The following FAM193A variants were observed in gnomAD, a reference collection of about 807,000 sequenced individuals.
FAM193A encodes the protein protein FAM193A.
A neutral mutation model predicts 126.5 loss-of-function variants in FAM193A; 22 were observed. The observed-to-expected ratio is 0.17, with a 90% CI of 0.12 to 0.25. The LOEUF is 0.25. FAM193A is among the 10% of genes least tolerant of loss of function. FAM193A has a pLI of 1.00. For synonymous variants in FAM193A, 761 were observed against 646.8 expected (o/e 1.18, Z -2.68); for missense variants, 1,675 against 1,672.8 (o/e 1.00, Z -0.02).
rs531508039 is a variant in FAM193A, at chr4:2,665,068, G to A, written c.2079+1780G>A. ...TTGTGGGATGATATAGATCAATTTA[G>A]GGAGAATGCAATCCTAACAAAATTG... On this transcript the variant is annotated intron_variant, in intron 12 of 20. Coordinates refer to ENST00000637812, the MANE Select transcript of FAM193A (RefSeq NM_001366318.2). Among the ~76,000 whole-genome samples, 4 of 152,258 alleles carry A rather than the reference G, an allele frequency of 2.6e-5. No individual in the cohort carries two copies. The East Asian group carries it at 7.7e-4, about 29-fold the overall frequency.
At chr4:2,695,215 CG>C (rs1309649517) in intron 17 of FAM193A, 86 bp downstream of exon 17, 1 of 1,168,048 alleles carries the variant, frequency 8.6e-7, no homozygotes, top group Non-Finnish European at 1.2e-6. Context: ...AGGTTGAATT[CG>C]GGGTATATTC....
chr4:2,671,787 C>G (rs1178928517), intron 12 of FAM193A, among the ~76,000 whole-genome samples: 1 of 152,226 alleles, frequency 6.6e-6, no homozygotes, highest in East Asian at 1.9e-4. Flanking sequence ...ACAGCCATCC[C>G]CTCTCTACTC....
chr4:2,683,177 A>G (rs967400146), intron 13 of FAM193A, among the ~76,000 whole-genome samples: 1 of 151,900 alleles, frequency 6.6e-6, no homozygotes, highest in Non-Finnish European at 1.5e-5. Context: ...CCTTGCTGGC[A>G]TGGTTTCTGA....
rs373746291 is a variant in FAM193A, at chr4:2,555,719, G to A, written c.255+18549G>A. On this transcript the variant is annotated intron_variant, in intron 1 of 20. Transcript: ENST00000637812. Reference sequence around the variant, plus strand: ...CGCAAGCTCTGCCTCCCGGGCTCACGCCGTTCTCCTGCCTCAGCCTCCGGA... The same window carrying A: ...CGCAAGCTCTGCCTCCCGGGCTCACACCGTTCTCCTGCCTCAGCCTCCGGA... Among the ~76,000 whole-genome samples, 6 of 152,074 alleles carry A rather than the reference G, an allele frequency of 3.9e-5. 1 individual carries two copies. The highest frequency in any genetic ancestry group is 1.9e-4 in the East Asian group (1 of 5,160).
intron 13 of FAM193A, among the ~76,000 whole-genome samples, chr4:2,679,346 A>G (rs1406296680): frequency 6.7e-6 from 1 of 149,270 alleles, no homozygotes; most frequent in African/African-American, 2.5e-5. Flanking sequence ...ATGAATGTTC[A>G]CAAGCGATAC....
At chr4:2,705,291 T>C (rs1450264432) in intron 19 of FAM193A, among the ~76,000 whole-genome samples, 1 of 152,226 alleles carries the variant, frequency 6.6e-6, no homozygotes, top group Non-Finnish European at 1.5e-5. Context: ...TCATAAGTTG[T>C]CTTTTGACTT....
chr4:2,650,650 A>G (rs1745568710), intron 7 of FAM193A, among the ~76,000 whole-genome samples: 1 of 152,148 alleles, frequency 6.6e-6, no homozygotes, highest in Admixed American at 6.5e-5. Flanking sequence ...CCTTAATCCA[A>G]GAGTGTCTCT....
chr4:2,668,327 C>T lies in FAM193A; in HGVS notation c.2080-3794C>T, dbSNP rs895089205. ...TTCCCAGGTTCAAGTGATTCTCCTG[C>T]CTCAGCCTCCCAAGTAGCTGGGATT... On this transcript the variant is annotated intron_variant, in intron 12 of 20. Coordinates refer to ENST00000637812, the MANE Select transcript of FAM193A (RefSeq NM_001366318.2). Among the ~76,000 whole-genome samples, 3 of 151,900 alleles carry T rather than the reference C, an allele frequency of 2.0e-5. No homozygotes were observed. In the South Asian group the frequency reaches 6.2e-4, roughly 32 times the overall value.
intron 2 of FAM193A, among the ~76,000 whole-genome samples, chr4:2,609,133 C>G (rs950321910): frequency 3.3e-5 from 5 of 152,034 alleles, no homozygotes; most frequent in Admixed American, 1.3e-4. Flanking sequence ...ACCTTGTGAT[C>G]CACCCGCCTC....
chr4:2,625,766 C>G (rs1310192813), intron 3 of FAM193A, among the ~76,000 whole-genome samples: 2 of 149,146 alleles, frequency 1.3e-5, no homozygotes, highest in African/African-American at 5.0e-5. Context: ...TGGCTCTGTC[C>G]CCCAGGCCGG....
chr4:2,731,324 C>T (rs575334923), intron 20 of FAM193A, among the ~76,000 whole-genome samples: 2 of 151,714 alleles, frequency 1.3e-5, no homozygotes, highest in South Asian at 4.2e-4. Context: ...GCCGAAACTG[C>T]CACTGAACTC....
Position 2,650,359 on chromosome 4 carries a change from G to A in FAM193A, c.1311+3527G>A, listed in dbSNP as rs186049065. ...AGAGCACAGAAGGAGGGAGGAGCAT[G>A]AGATCTCAGGCCATCAGTAGACACT... On this transcript the variant is annotated intron_variant, in intron 7 of 20. Coordinates refer to ENST00000637812, the MANE Select transcript of FAM193A (RefSeq NM_001366318.2). Among the ~76,000 whole-genome samples the A allele has an allele frequency of 1.4e-3, 214 of 152,336 alleles. 2 individuals carry two copies. Among genetic ancestry groups the A allele is most frequent in the Middle Eastern group, 6.8e-3 (2 of 294 alleles).
upstream of FAM193A, among the ~76,000 whole-genome samples, chr4:2,536,292 G>C (rs1456352635): frequency 1.3e-5 from 2 of 151,610 alleles, no homozygotes; most frequent in South Asian, 2.1e-4. Context: ...CGACCACAAC[G>C]CCCAGAAGGC....
intron 1 of FAM193A, among the ~76,000 whole-genome samples, chr4:2,550,018 C>T (rs2108817628): frequency 6.8e-6 from 1 of 146,412 alleles, no homozygotes; most frequent in South Asian, 2.2e-4. Context: ...TGAGCCACCG[C>T]ACCTGGCTTT....
intron 2 of FAM193A, among the ~76,000 whole-genome samples, chr4:2,623,978 C>T (rs1182205171): frequency 6.6e-6 from 1 of 152,042 alleles, no homozygotes; most frequent in East Asian, 1.9e-4. Context: ...TGTGGGCACC[C>T]TCAGCTCTGA....
chr4:2,667,214 T>G (rs374992617), intron 12 of FAM193A, among the ~76,000 whole-genome samples: 1 of 152,214 alleles, frequency 6.6e-6, no homozygotes, highest in East Asian at 1.9e-4. Flanking sequence ...TTCTGTATTG[T>G]CTTGGTCTAT....
chr4:2,602,081 C>T (rs1390244587), intron 2 of FAM193A, among the ~76,000 whole-genome samples: 1 of 152,110 alleles, frequency 6.6e-6, no homozygotes, highest in African/African-American at 2.4e-5. Context: ...TCAAGTGATC[C>T]TCCTGCTGCG....
chr4:2,709,147 C>T (rs1032473983), intron 19 of FAM193A, among the ~76,000 whole-genome samples: 5 of 152,096 alleles, frequency 3.3e-5, no homozygotes, highest in African/African-American at 1.2e-4. Context: ...GGTTTTCTAG[C>T]ATCTGTGGAG....
At position 2,695,969 on chromosome 4, in the gene FAM193A, A is replaced by G. The variant is rs146185030; in HGVS notation, c.3277-394A>G. Reference sequence around the variant, plus strand: ...CTTGAGCTCAGGAGGTCAAGGCTGCAGTGAGCTATGATCGCACCACTGCAC... The same window carrying G: ...CTTGAGCTCAGGAGGTCAAGGCTGCGGTGAGCTATGATCGCACCACTGCAC... On this transcript the variant is annotated intron_variant, in intron 17 of 20. Coordinates refer to ENST00000637812, the MANE Select transcript of FAM193A (RefSeq NM_001366318.2). Among the ~76,000 whole-genome samples the G allele has an allele frequency of 5.3e-3, 812 of 152,288 alleles. 8 individuals carry two copies. Among genetic ancestry groups the G allele is most frequent in the African/African-American group, 0.019 (773 of 41,546 alleles).
Sources: gnomAD v4.1 joint callset for allele counts (sites outside exome capture counted in the v4.1 genomes callset) on GRCh38, gnomAD v4.1.1 for gene constraint, MANE v1.5 for transcripts, NCBI Gene and HGNC (gene_info 2026-07-23, HGNC 2026-07-21) for gene names.